RANBP2: variants seen among roughly 807,000 people sequenced by gnomAD.
RANBP2 encodes RAN binding protein 2.
A neutral mutation model predicts 303.6 loss-of-function variants in RANBP2; 57 were observed. The ratio of observed to expected loss-of-function variants is 0.19; its 90% CI spans 0.15 to 0.23. The LOEUF (loss-of-function observed/expected upper bound fraction) is 0.23. Among genes scored for constraint, RANBP2 ranks in the 10% least tolerant of loss-of-function variants. RANBP2 has a pLI of 1.00. For missense variants in RANBP2, 3,138 were observed against 3,780.8 expected (o/e 0.83, Z 4.46); for synonymous variants, 1,167 against 1,301.5 (o/e 0.90, Z 2.23).
chr2:108,892,934 C>T, the RANBP2 span, among the ~76,000 whole-genome samples: 1 of 152,198 alleles, frequency 6.6e-6, no homozygotes, highest in African/African-American at 2.4e-5. Context: ...GTGGAAGAGG[C>T]TGGCATGAAA....
At chr2:109,124,135 T>C in the RANBP2 span, among the ~76,000 whole-genome samples, 150,339 of 152,072 alleles carry the variant, frequency 0.99, 74,333 homozygotes, top group Middle Eastern at 1. Flanking sequence ...CTCAGTCTCC[T>C]GAGTAGCTGG....
the RANBP2 span, among the ~76,000 whole-genome samples, chr2:109,717,448 G>A: frequency 0.17 from 25,297 of 151,930 alleles, 2,643 homozygotes; most frequent in East Asian, 0.3. Context: ...TGGGCATGGC[G>A]GTGGACGCCT....
At chr2:108,924,146 C>A in the RANBP2 span, among the ~76,000 whole-genome samples, 1 of 152,272 alleles carries the variant, frequency 6.6e-6, no homozygotes, top group African/African-American at 2.4e-5. Flanking sequence ...AAATCATTCA[C>A]AGTAGCTCTG....
chr2:109,304,159 G>T, the RANBP2 span, among the ~76,000 whole-genome samples: 1 of 151,456 alleles, frequency 6.6e-6, no homozygotes, highest in Non-Finnish European at 1.5e-5. Flanking sequence ...GTACAGTATT[G>T]TTAGCTGGAG....
chr2:109,626,259 C>A, the RANBP2 span, among the ~76,000 whole-genome samples: 64 of 151,774 alleles, frequency 4.2e-4, no homozygotes, highest in East Asian at 1.4e-3. Context: ...GTGGGTGGAT[C>A]ATTTGAGGTC....
chr2:109,230,483 G>A, the RANBP2 span, among the ~76,000 whole-genome samples: 1 of 152,168 alleles, frequency 6.6e-6, no homozygotes, highest in Non-Finnish European at 1.5e-5. Context: ...GGGGGGCTGA[G>A]GCAGGAGAAT....
At chr2:108,737,440 G>C (rs2149137752) in intron 6 of RANBP2, among the ~76,000 whole-genome samples, 1 of 150,734 alleles carries the variant, frequency 6.6e-6, no homozygotes, top group East Asian at 1.9e-4. Context: ...CCTGGTTCAG[G>C]CGATTCTCCT....
chr2:109,229,985 C>T, the RANBP2 span, among the ~76,000 whole-genome samples: 29 of 151,762 alleles, frequency 1.9e-4, no homozygotes, highest in African/African-American at 4.4e-4. Context: ...CCAGTATGCC[C>T]GGCTAATTTT....
chr2:109,603,295 C>T, the RANBP2 span, among the ~76,000 whole-genome samples: 1 of 151,682 alleles, frequency 6.6e-6, no homozygotes, highest in African/African-American at 2.4e-5. Flanking sequence ...AGTGCAGTGG[C>T]GCAATCTCGG....
chr2:109,714,036 C>A, the RANBP2 span, among the ~76,000 whole-genome samples: 1 of 152,206 alleles, frequency 6.6e-6, no homozygotes, highest in African/African-American at 2.4e-5. Flanking sequence ...CCACTTCAGA[C>A]GCCAATCATA....
chr2:109,730,776 CTTTTTTTTTTTT>C, the RANBP2 span, among the ~76,000 whole-genome samples: 136 of 79,424 alleles, frequency 1.7e-3, 2 homozygotes, highest in East Asian at 0.028. Context: ...CTCTCTCTCT[CTTTTTTTTTTTT>C]TTTTTTTTTT....
In RANBP2 at chr2:108,772,594, T is replaced by A. The variant is rs1345147888; in HGVS notation, c.8113+13T>A. 1 of 1,600,518 alleles carries A rather than the reference T, an allele frequency of 6.2e-7. No homozygotes were observed. Among genetic ancestry groups the A allele is most frequent in the Admixed American group, 1.7e-5 (1 of 59,994 alleles). ...GAAAATACAGCAGGTATGTTAAGTG[T>A]AAAGGACATTTATAATGCTTTTAAC... On this transcript the variant is annotated intron_variant, in intron 22 of 28. Transcript: ENST00000283195.
At chr2:108,815,473 T>TTTG in the RANBP2 span, among the ~76,000 whole-genome samples, 1 of 138,244 alleles carries the variant, frequency 7.2e-6, no homozygotes, top group African/African-American at 2.8e-5. Context: ...TTTTTTTTTT[T>TTTG]TTTTTTTTTT....
At chr2:108,852,636 C>G in the RANBP2 span, among the ~76,000 whole-genome samples, 1 of 152,172 alleles carries the variant, frequency 6.6e-6, no homozygotes, top group Non-Finnish European at 1.5e-5. Flanking sequence ...TTATCCTTAA[C>G]AGACTAATGC....
chr2:109,493,273 C>T, the RANBP2 span, among the ~76,000 whole-genome samples: 2 of 144,448 alleles, frequency 1.4e-5, no homozygotes, highest in African/African-American at 2.5e-5. Flanking sequence ...ACACACCCCA[C>T]GTACACCATA....
At chr2:109,238,787 A>G in the RANBP2 span, among the ~76,000 whole-genome samples, 1 of 152,066 alleles carries the variant, frequency 6.6e-6, no homozygotes, top group African/African-American at 2.4e-5. Flanking sequence ...ATACAGAGGC[A>G]AGGCCCCTGA....
Position 108,765,948 on chromosome 2 carries a change from T to A in RANBP2, c.5409T>A (p.Ala1803=), listed in dbSNP as rs905269395. Residue 1803 remains alanine (A), a synonymous_variant, in exon 20 of 29, where the codon GCT becomes GCA. Coordinates refer to ENST00000283195, the MANE Select transcript of RANBP2 (RefSeq NM_006267.5). ...QNESSSLKCV[A]CDASKPTHKP... is the part of the protein sequence containing the mutation. ...AGAGTTCTTCCTTAAAATGTGTGGC[T>A]TGTGATGCCTCTAAACCAACTCATA... The A allele has an allele frequency of 6.2e-7, 1 of 1,614,046 alleles. No homozygotes were observed. The highest frequency in any genetic ancestry group is 1.3e-5 in the African/African-American group (1 of 74,940).
the RANBP2 span, among the ~76,000 whole-genome samples, chr2:109,316,456 A>T: frequency 6.6e-6 from 1 of 151,976 alleles, no homozygotes; most frequent in Non-Finnish European, 1.5e-5. Flanking sequence ...TGTGATCTTC[A>T]CTACACACAG....
the RANBP2 span, among the ~76,000 whole-genome samples, chr2:108,984,720 T>C: frequency 6.6e-6 from 1 of 152,082 alleles, no homozygotes; most frequent in African/African-American, 2.4e-5. Context: ...GATTTATGCA[T>C]TATAGCTTCT....
Sources: gnomAD v4.1 joint callset for allele counts (sites outside exome capture counted in the v4.1 genomes callset) on GRCh38, gnomAD v4.1.1 for gene constraint, MANE v1.5 for transcripts, NCBI Gene and HGNC (gene_info 2026-07-23, HGNC 2026-07-21) for gene names.